Variants in MSANTD1 observed in about 807,000 individuals in gnomAD.
MSANTD1 encodes the protein myb/SANT-like DNA-binding domain-containing protein 1.
A neutral mutation model predicts 24.2 loss-of-function variants in MSANTD1; 7 were observed. The ratio of observed to expected loss-of-function variants is 0.29; its 90% CI spans 0.16 to 0.54. The LOEUF (loss-of-function observed/expected upper bound fraction) is 0.54, where lower values mean the gene tolerates loss of function less well. Ranked by LOEUF, MSANTD1 falls within the 20% of genes least tolerant of loss-of-function variation. The pLI is 0.94. For synonymous variants in MSANTD1, 177 were observed against 181.1 expected (o/e 0.98, Z 0.18); for missense variants, 384 against 408.2 (o/e 0.94, Z 0.51).
chr4:3,253,896 C>A (rs1446029773), intron 2 of MSANTD1, among the ~76,000 whole-genome samples: 1 of 152,252 alleles, frequency 6.6e-6, no homozygotes, highest in African/African-American at 2.4e-5. Flanking sequence ...ACAGACCCCA[C>A]CCTCACAGGC....
rs771410261 is a variant in MSANTD1, at chr4:3,253,231, C to T, written c.345C>T (p.Ser115=). The T allele has an allele frequency of 4.1e-5, 64 of 1,569,304 alleles. No individual in the cohort carries two copies. Among genetic ancestry groups the T allele is most frequent in the Admixed American group, 1.4e-4 (8 of 55,410 alleles). Residue 115 remains serine (S), a synonymous_variant, in exon 2 of 3, where the codon AGC becomes AGT. Transcript: ENST00000438480. ...QYRKLKCMTD[S]ESAPPDWPYY... is the part of the protein sequence containing the mutation. ...GGAAATTAAAATGCATGACAGATAG[C>T]GAGTCCGCCCCGCCCGACTGGCCCT...
upstream of MSANTD1, chr4:3,245,395 A>G (rs1721987992): frequency 6.6e-6 from 1 of 152,372 alleles, no homozygotes; most frequent in Non-Finnish European, 1.5e-5. Flanking sequence ...GAGCACTGTA[A>G]GTCAGATGAG....
intron 1 of MSANTD1, among the ~76,000 whole-genome samples, chr4:3,250,492 G>A (rs1330463064): frequency 2.6e-5 from 4 of 152,210 alleles, no homozygotes; most frequent in South Asian, 2.1e-4. Flanking sequence ...TCACAGGTGC[G>A]GTGAGGGTCT....
At position 3,249,230 on chromosome 4, in the gene MSANTD1, G is replaced by A. The variant is rs767516905; in HGVS notation, c.8G>A (p.Arg3His). The change falls in exon 1 of 3, where the codon CGT (arginine) becomes CAT (histidine). Residue 3 changes from arginine to histidine, a missense_variant. Physicochemically the swap from Arg to His is conservative, Grantham distance 29 (BLOSUM62 0). Coordinates refer to ENST00000438480, the MANE Select transcript of MSANTD1 (RefSeq NM_001042690.2). ...GAGCGGCGCCTCCCGCCCATGGTGC[G>A]TGGGGCCGGGCCGGGGCCCTCGCTG... MV[R>H]GAGPGPSLSA... The A allele has an allele frequency of 2.9e-5, 41 of 1,412,200 alleles. No homozygotes were observed. The highest frequency in any genetic ancestry group is 1.1e-4 in the South Asian group (7 of 63,508). The allele number at this position is 1,412,200 out of a possible 1,614,324, so 87.5% of individuals were successfully genotyped here.
At position 3,256,013 on chromosome 4, in the gene MSANTD1, TCAGGCCACCCAGGG is replaced by T. The variant is rs1295620326; in HGVS notation, c.*57_*70del. 2.1e-6 allele frequency: 3 copies of T among 1,457,994 alleles called. No individual in the cohort carries two copies. The highest frequency in any genetic ancestry group is 2.5e-5 in the East Asian group (1 of 39,360). The allele number at this position is 1,457,994 out of a possible 1,614,324, so 90.3% of individuals were successfully genotyped here. ...GGGGCCGGGCGGCTGGTGGTACTGC[TCAGGCCACCCAGGG>T]CAGGCCACTCAGGCCAGGCGGGCAA... On this transcript the variant is annotated 3_prime_UTR_variant, in exon 3 of 3. Coordinates refer to ENST00000438480, the MANE Select transcript of MSANTD1 (RefSeq NM_001042690.2).
At chr4:3,252,280 G>C (rs1478273462) in intron 1 of MSANTD1, among the ~76,000 whole-genome samples, 1 of 152,258 alleles carries the variant, frequency 6.6e-6, no homozygotes, top group Non-Finnish European at 1.5e-5. Context: ...ATGGGGCCCT[G>C]TGTCTCCTGC....
At position 3,249,261 on chromosome 4, in the gene MSANTD1, G is replaced by A. The variant is rs889402244; in HGVS notation, c.39G>A (p.Ala13=). The change falls in exon 1 of 3, where the codon GCG becomes GCA. Residue 13 remains alanine, a synonymous_variant. Coordinates refer to ENST00000438480, the MANE Select transcript of MSANTD1 (RefSeq NM_001042690.2). ...RGAGPGPSLS[A]LSHPTGASGM... ...CCGGGCCGGGGCCCTCGCTGAGCGCGCTCTCTCACCCCACAGGCGCCTCCG... is the reference window on the plus strand; with the variant it reads ...CCGGGCCGGGGCCCTCGCTGAGCGCACTCTCTCACCCCACAGGCGCCTCCG... The A allele has an allele frequency of 1.4e-5, 20 of 1,481,176 alleles. No homozygotes were observed. In the East Asian group the frequency reaches 1.5e-4, roughly 11 times the overall value. The allele number at this position is 1,481,176 out of a possible 1,614,324, so 91.8% of individuals were successfully genotyped here. A position where few individuals can be genotyped will look rare whatever the true frequency, so the allele number is the denominator to read the frequency against.
At position 3,255,985 on chromosome 4, in the gene MSANTD1, G is replaced by T; in HGVS notation, c.*20G>T. ...GTCTAGGCCAGCAGGCGGCGGCGGC[G>T]GCGGGGCCGGGCGGCTGGTGGTACT... On this transcript the variant is annotated 3_prime_UTR_variant, in exon 3 of 3. Transcript: ENST00000438480. 1.3e-6 allele frequency: 2 copies of T among 1,485,348 alleles called. No homozygotes were observed. The allele number at this position is 1,485,348 out of a possible 1,614,324, so 92.0% of individuals were successfully genotyped here. A position where few individuals can be genotyped will look rare whatever the true frequency, so the allele number is the denominator to read the frequency against.
At chr4:3,251,331 C>T (rs1722221899) in intron 1 of MSANTD1, among the ~76,000 whole-genome samples, 1 of 152,220 alleles carries the variant, frequency 6.6e-6, no homozygotes, top group Admixed American at 6.5e-5. Flanking sequence ...ATTATTTATG[C>T]TGAAAGCCTC....
rs779952291 is a variant in MSANTD1, at chr4:3,253,373, C to G, written c.487C>G (p.Pro163Ala). Reference sequence around the variant, plus strand: ...CCAGACCGAGGCGTCCCTGTCGCCGCCCGCTAAGTCCACCCCTCTGTACTT... The same window carrying G: ...CCAGACCGAGGCGTCCCTGTCGCCGGCCGCTAAGTCCACCCCTCTGTACTT... The part of the protein sequence containing the change: ...TSQTEASLSP[P>A]AKSTPLYFPY... Residue 163 changes from proline (P) to alanine (A), a missense_variant, in exon 2 of 3, where the codon CCC becomes GCC. Transcript: ENST00000438480. 1 of 1,611,294 alleles carries G rather than the reference C, an allele frequency of 6.2e-7. No homozygotes were observed. The highest frequency in any genetic ancestry group is 1.1e-5 in the South Asian group (1 of 90,270).
At chr4:3,248,236 G>C (rs1475651485), upstream of MSANTD1, 1 of 152,292 alleles carries the variant, frequency 6.6e-6, no homozygotes, top group East Asian at 1.9e-4. Flanking sequence ...CTCTCGGCAG[G>C]CTGTGGTCCT....
At chr4:3,254,982 C>T in intron 2 of MSANTD1, among the ~76,000 whole-genome samples, 1 of 152,166 alleles carries the variant, frequency 6.6e-6, no homozygotes. Flanking sequence ...CTACCCAGCA[C>T]CCCCCACCCC....
upstream of MSANTD1, chr4:3,247,886 A>G (rs560065324): frequency 1.3e-5 from 2 of 152,374 alleles, no homozygotes; most frequent in African/African-American, 4.8e-5. Context: ...CCCACCTCCA[A>G]GGTGCCTCAG....
chr4:3,251,792 A>G (rs994664704), intron 1 of MSANTD1, among the ~76,000 whole-genome samples: 1 of 150,658 alleles, frequency 6.6e-6, no homozygotes, highest in African/African-American at 2.5e-5. Flanking sequence ...TTGTTGAAGT[A>G]CAGTTTGGGG....
Position 3,249,273 on chromosome 4 carries a change from C to G in MSANTD1, c.51C>G (p.Pro17=), listed in dbSNP as rs1267230584. The part of the protein sequence containing the change: ...PGPSLSALSH[P]TGASGMAAAE... ...CCTCGCTGAGCGCGCTCTCTCACCC[C>G]ACAGGCGCCTCCGGCATGGCGGCGG... Residue 17 remains proline (P), a synonymous_variant, in exon 1 of 3, where the codon CCC becomes CCG. Coordinates refer to ENST00000438480, the MANE Select transcript of MSANTD1 (RefSeq NM_001042690.2). 1.1e-5 allele frequency: 17 copies of G among 1,511,412 alleles called. No individual in the cohort carries two copies. In the East Asian group the frequency reaches 2.0e-4, roughly 18 times the overall value. The allele number at this position is 1,511,412 out of a possible 1,614,324, so 93.6% of individuals were successfully genotyped here.
chr4:3,256,187 G>T lies in MSANTD1; in HGVS notation c.*222G>T. On this transcript the variant is annotated 3_prime_UTR_variant, in exon 3 of 3. Coordinates refer to ENST00000438480, the MANE Select transcript of MSANTD1 (RefSeq NM_001042690.2). ...TCTCCAGCATGAATGCCCTTCCTCG[G>T]ACACAGGCCAGGGCCTCTGGGGTTC... 2.0e-6 allele frequency: 1 copy of T among 499,464 alleles called. No individual in the cohort carries two copies. The allele number at this position is 499,464 out of a possible 1,614,324, so 30.9% of individuals were successfully genotyped here.
In MSANTD1 at chr4:3,249,195, G is replaced by C. The variant is rs577600035; in HGVS notation, c.-28G>C. On this transcript the variant is annotated 5_prime_UTR_variant, in exon 1 of 3. Coordinates refer to ENST00000438480, the MANE Select transcript of MSANTD1 (RefSeq NM_001042690.2). ...CCATTTTGAGCGTGGAGCTGCCTTC[G>C]AGCGAGCGTGAGCGGCGCCTCCCGC... 10 of 1,361,570 alleles carry C rather than the reference G, an allele frequency of 7.3e-6. No homozygotes were observed. The highest frequency in any genetic ancestry group is 5.8e-5 in the East Asian group (2 of 34,768). The allele number at this position is 1,361,570 out of a possible 1,614,324, so 84.3% of individuals were successfully genotyped here. A position where few individuals can be genotyped will look rare whatever the true frequency, so the allele number is the denominator to read the frequency against.
At chr4:3,244,677 C>G (rs1721965642), upstream of MSANTD1, 2 of 152,268 alleles carry the variant, frequency 1.3e-5, no homozygotes, top group Non-Finnish European at 2.9e-5. Context: ...ATGCAGATGT[C>G]TTACCAACCT....
In MSANTD1 at chr4:3,249,300, C is replaced by T. The variant is rs999861669; in HGVS notation, c.78C>T (p.Ala26=). 2.1e-5 allele frequency: 32 copies of T among 1,534,078 alleles called. No homozygotes were observed. The highest frequency in any genetic ancestry group is 7.9e-5 in the Admixed American group (4 of 50,328). Residue 26 remains alanine (A), a synonymous_variant, in exon 1 of 3, where the codon GCC becomes GCT. Transcript: ENST00000438480. ...HPTGASGMAA[A]EGPGYLVSPQ... Reference sequence around the variant, plus strand: ...CAGGCGCCTCCGGCATGGCGGCGGCCGAGGGGCCCGGCTACCTCGTGTCTC... The same window carrying T: ...CAGGCGCCTCCGGCATGGCGGCGGCTGAGGGGCCCGGCTACCTCGTGTCTC...
Sources: allele counts gnomAD v4.1 joint callset (sites outside exome capture counted in the v4.1 genomes callset), GRCh38; gene constraint gnomAD v4.1.1; transcripts MANE v1.5; gene names NCBI Gene and HGNC (gene_info 2026-07-23, HGNC 2026-07-21).